The following NCK2 variants were observed in gnomAD, a reference collection of about 807,000 sequenced individuals.
NCK2 encodes cytoplasmic protein NCK2.
A neutral mutation model predicts 33.9 loss-of-function variants in NCK2; 16 were observed. The ratio of observed to expected loss-of-function variants is 0.47; its 90% CI spans 0.32 to 0.72. The LOEUF is 0.72. Ranked by LOEUF, NCK2 falls within the 30% of genes least tolerant of loss-of-function variation. NCK2 has a pLI of 0.03. For synonymous variants in NCK2, 273 were observed against 239.9 expected, an observed-to-expected ratio of 1.14 and a Z score of -1.27; for missense variants, 418 against 537.3, an observed-to-expected ratio of 0.78 and a Z score of 2.19.
intron 1 of NCK2, among the ~76,000 whole-genome samples, chr2:105,795,753 G>T (rs1282901052): frequency 1.3e-5 from 2 of 152,082 alleles, no homozygotes; most frequent in African/African-American, 4.8e-5. Flanking sequence ...GTATGCCCCT[G>T]GTGAGAAACA....
chr2:105,837,759 A>G (rs986079940), intron 2 of NCK2, among the ~76,000 whole-genome samples: 4 of 152,328 alleles, frequency 2.6e-5, no homozygotes, highest in Non-Finnish European at 4.4e-5. Flanking sequence ...TTCCTAACAC[A>G]TTATCAACCT....
At chr2:105,821,456 C>T (rs993892465) in intron 2 of NCK2, among the ~76,000 whole-genome samples, 1 of 152,170 alleles carries the variant, frequency 6.6e-6, no homozygotes, top group African/African-American at 2.4e-5. Flanking sequence ...GGGGAACAGT[C>T]TCTGCAGTTT....
At chr2:105,870,442 G>T (rs1677952114) in intron 3 of NCK2, among the ~76,000 whole-genome samples, 1 of 152,124 alleles carries the variant, frequency 6.6e-6, no homozygotes, top group Admixed American at 6.5e-5. Context: ...TTTCATTATG[G>T]GGTATGCATG....
intron 1 of NCK2, among the ~76,000 whole-genome samples, chr2:105,779,254 C>A (rs966892875): frequency 2.7e-5 from 4 of 147,332 alleles, no homozygotes; most frequent in African/African-American, 1.0e-4. Flanking sequence ...TTGCAGTGAG[C>A]CGAGATTGTG....
chr2:105,773,484 C>A (rs912352954), intron 1 of NCK2, among the ~76,000 whole-genome samples: 1 of 152,070 alleles, frequency 6.6e-6, no homozygotes, highest in African/African-American at 2.4e-5. Context: ...CTGGAACCTG[C>A]TGGGCAGGTA....
chr2:105,775,975 C>T (rs564185164), intron 1 of NCK2, among the ~76,000 whole-genome samples: 2 of 152,172 alleles, frequency 1.3e-5, no homozygotes, highest in South Asian at 2.1e-4. Flanking sequence ...AATTGTTGAC[C>T]GTCAGTTGCT....
intron 1 of NCK2, among the ~76,000 whole-genome samples, chr2:105,765,295 T>C (rs1689901577): frequency 6.6e-6 from 1 of 152,202 alleles, no homozygotes; most frequent in South Asian, 2.1e-4. Flanking sequence ...TGAAAACAAA[T>C]TGACGAGAAT....
chr2:105,783,860 G>C (rs776378837), intron 1 of NCK2, among the ~76,000 whole-genome samples: 1 of 152,008 alleles, frequency 6.6e-6, no homozygotes, highest in Non-Finnish European at 1.5e-5. Context: ...GAGTTGTTTC[G>C]CTTCTCCCTT....
At chr2:105,797,387 A>G (rs1691117858) in intron 1 of NCK2, among the ~76,000 whole-genome samples, 1 of 152,186 alleles carries the variant, frequency 6.6e-6, no homozygotes, top group East Asian at 1.9e-4. Flanking sequence ...ACTGCCAGCC[A>G]TGCGGTTCCA....
At chr2:105,843,597 C>T (rs1676730809) in intron 2 of NCK2, among the ~76,000 whole-genome samples, 1 of 152,158 alleles carries the variant, frequency 6.6e-6, no homozygotes, top group African/African-American at 2.4e-5. Flanking sequence ...CGAACGAACA[C>T]TCGCAGTGAT....
At chr2:105,775,879 G>T (rs980872044) in intron 1 of NCK2, among the ~76,000 whole-genome samples, 14 of 152,048 alleles carry the variant, frequency 9.2e-5, no homozygotes, top group Admixed American at 2.6e-4. Context: ...TGGAATAGCT[G>T]GTCATCAAAA....
At chr2:105,824,966 G>A (rs1302917736) in intron 2 of NCK2, among the ~76,000 whole-genome samples, 4 of 152,166 alleles carry the variant, frequency 2.6e-5, no homozygotes, top group African/African-American at 9.7e-5. Flanking sequence ...AGAGCATCAG[G>A]GATTCCCCCA....
intron 1 of NCK2, among the ~76,000 whole-genome samples, chr2:105,771,987 T>C (rs1690149485): frequency 6.6e-6 from 1 of 152,178 alleles, no homozygotes; most frequent in Non-Finnish European, 1.5e-5. Context: ...AATTGGATAT[T>C]GTCGTCAAAG....
intron 2 of NCK2, among the ~76,000 whole-genome samples, chr2:105,840,777 A>G (rs1324877649): frequency 6.6e-6 from 1 of 152,178 alleles, no homozygotes; most frequent in Non-Finnish European, 1.5e-5. Flanking sequence ...AAATCTCAGG[A>G]CCTCCTGCTA....
chr2:105,800,884 TC>T (rs779276214), intron 1 of NCK2, among the ~76,000 whole-genome samples: 5 of 152,296 alleles, frequency 3.3e-5, no homozygotes, highest in Non-Finnish European at 5.9e-5. Flanking sequence ...AGCTCGAGGT[TC>T]CATGGGATTA....
chr2:105,753,309 G>C (rs1254741945), intron 1 of NCK2, among the ~76,000 whole-genome samples: 3 of 152,166 alleles, frequency 2.0e-5, no homozygotes, highest in African/African-American at 4.8e-5. Flanking sequence ...GGAAGCCTTG[G>C]ATGGTCATCA....
chr2:105,844,470 T>C (rs1456296824), intron 2 of NCK2, among the ~76,000 whole-genome samples: 7 of 151,772 alleles, frequency 4.6e-5, no homozygotes, highest in Non-Finnish European at 8.8e-5. Flanking sequence ...ACGCCTGTAA[T>C]CTCAGCACTT....
chr2:105,830,891 T>G (rs1370496621), intron 2 of NCK2, among the ~76,000 whole-genome samples: 1 of 152,158 alleles, frequency 6.6e-6, no homozygotes, highest in African/African-American at 2.4e-5. Context: ...ACCAGATTAT[T>G]TGGTCATTTT....
chr2:105,893,477 A>C lies in NCK2; in HGVS notation c.*301A>C. 3.1e-6 allele frequency: 1 copy of C among 321,754 alleles called. No individual in the cohort carries two copies. The highest frequency in any genetic ancestry group is 6.0e-6 in the Non-Finnish European group (1 of 166,450). The allele number at this position is 321,754 out of a possible 1,614,324, so 19.9% of individuals were successfully genotyped here. A position where few individuals can be genotyped will look rare whatever the true frequency, so the allele number is the denominator to read the frequency against. On this transcript the variant is annotated 3_prime_UTR_variant, in exon 5 of 5. Transcript: ENST00000233154. ...GTTCCCGCTCATGGAACCCCTCTTT[A>C]AAAAGACGCAGGGCACCTGTGAGCG...
Sources: gnomAD v4.1 joint callset for allele counts (sites outside exome capture counted in the v4.1 genomes callset) on GRCh38, gnomAD v4.1.1 for gene constraint, MANE v1.5 for transcripts, NCBI Gene and HGNC (gene_info 2026-07-23, HGNC 2026-07-21) for gene names.